BAZ2B: variants seen among roughly 807,000 people sequenced by gnomAD.
BAZ2B encodes the protein bromodomain adjacent to zinc finger domain 2B.
In BAZ2B, 91 loss-of-function variants were observed where a neutral mutation model predicts 246.0. The ratio of observed to expected loss-of-function variants is 0.37; its 90% CI spans 0.31 to 0.44. The LOEUF is 0.44. Ranked by LOEUF, BAZ2B falls within the 20% of genes least tolerant of loss-of-function variation. The pLI is 1.00. For missense variants in BAZ2B, 2,332 were observed against 2,533.7 expected (o/e 0.92, Z 1.71); for synonymous variants, 855 against 860.0 (o/e 0.99, Z 0.10).
At chr2:159,496,114 G>A (rs1350250869) in intron 2 of BAZ2B, among the ~76,000 whole-genome samples, 2 of 148,406 alleles carry the variant, frequency 1.3e-5, no homozygotes, top group African/African-American at 2.5e-5. Context: ...GGTGGCTCAC[G>A]CCTGTAATCC....
chr2:159,532,784 C>T (rs1044771415), intron 2 of BAZ2B, among the ~76,000 whole-genome samples: 2 of 152,122 alleles, frequency 1.3e-5, no homozygotes, highest in African/African-American at 4.8e-5. Flanking sequence ...ATTACACATG[C>T]TACCTGGCCC....
intron 27 of BAZ2B, among the ~76,000 whole-genome samples, chr2:159,360,507 T>C (rs936219451): frequency 2.6e-5 from 4 of 152,136 alleles, no homozygotes; most frequent in Non-Finnish European, 5.9e-5. Flanking sequence ...GAATCAATAT[T>C]GTGAAAATGG....
chr2:159,501,157 TAA>T (rs35919978), intron 2 of BAZ2B, among the ~76,000 whole-genome samples: 2 of 93,458 alleles, frequency 2.1e-5, no homozygotes, highest in African/African-American at 8.7e-5. Flanking sequence ...ATAATATATA[TAA>T]ATATATAATA....
chr2:159,351,122 C>T (rs991079401), intron 27 of BAZ2B, among the ~76,000 whole-genome samples: 4 of 152,050 alleles, frequency 2.6e-5, no homozygotes, highest in Admixed American at 1.3e-4. Context: ...AGCTGTACTA[C>T]ACAGCAAAAA....
At position 159,405,357 on chromosome 2, in the gene BAZ2B, G is replaced by A. The variant is rs539023629; in HGVS notation, c.2678-243C>T. Among the ~76,000 whole-genome samples, 8 of 152,096 alleles carry A rather than the reference G, an allele frequency of 5.3e-5. No homozygotes were observed. In the South Asian group the frequency reaches 6.2e-4, roughly 12 times the overall value. On this transcript the variant is annotated intron_variant, in intron 14 of 36. Coordinates refer to ENST00000392783, the MANE Select transcript of BAZ2B (RefSeq NM_013450.4). ...CTCCCAAGTAGCTGGGATTACAGGC[G>A]TGCGCCACCACACCCAGCTAATTTT... is the stretch of plus-strand genomic sequence containing the variant.
intron 22 of BAZ2B, among the ~76,000 whole-genome samples, chr2:159,385,630 G>A (rs2062558818): frequency 6.6e-6 from 1 of 151,746 alleles, no homozygotes; most frequent in Non-Finnish European, 1.5e-5. Context: ...GGTAGCAGAA[G>A]TTTTAAATTA....
intron 2 of BAZ2B, among the ~76,000 whole-genome samples, chr2:159,547,694 T>C (rs1268173590): frequency 2.0e-5 from 3 of 152,202 alleles, no homozygotes; most frequent in African/African-American, 7.2e-5. Flanking sequence ...CTGATTACAA[T>C]AAGAAAACAT....
chr2:159,574,045 A>C (rs1403069132), intron 1 of BAZ2B, among the ~76,000 whole-genome samples: 1 of 151,996 alleles, frequency 6.6e-6, no homozygotes, highest in Non-Finnish European at 1.5e-5. Context: ...GCCTACAGTG[A>C]GCCATGATGT....
At chr2:159,528,722 G>C (rs1311236057) in intron 2 of BAZ2B, among the ~76,000 whole-genome samples, 1 of 150,526 alleles carries the variant, frequency 6.6e-6, no homozygotes, top group African/African-American at 2.4e-5. Context: ...TTATGAAACA[G>C]CAATCGATTG....
At chr2:159,691,982 T>C in the BAZ2B span, among the ~76,000 whole-genome samples, 1 of 152,196 alleles carries the variant, frequency 6.6e-6, no homozygotes, top group Non-Finnish European at 1.5e-5. Flanking sequence ...TCTGCTTGCT[T>C]ACATTTCTCT....
chr2:159,386,496 C>A lies in BAZ2B; in HGVS notation c.3328G>T (p.Asp1110Tyr). The change falls in exon 22 of 37, where the codon GAT (aspartate) becomes TAT (tyrosine). Residue 1110 changes from aspartate (D) to tyrosine (Y), a missense_variant. Asp to Tyr is a radical substitution (Grantham distance 160). This residue lies in a region of BAZ2B where 328 missense variants were observed against 410.4 expected (regional missense o/e 0.80). Coordinates refer to ENST00000392783, the MANE Select transcript of BAZ2B (RefSeq NM_013450.4). ...LRNFGKVLGF[D>Y]VNIDVPNLSV... ...AGGTTTGGAACATCAATATTCACAT[C>A]AAAGCCCAAAACTTTACCAAAGTTT... is the stretch of plus-strand genomic sequence containing the variant. 6.2e-7 allele frequency: 1 copy of A among 1,613,638 alleles called. No individual in the cohort carries two copies. Among genetic ancestry groups the A allele is most frequent in the Non-Finnish European group, 8.5e-7 (1 of 1,179,770 alleles).
chr2:159,615,330 G>A (rs183698917), intron 1 of BAZ2B: 3 of 152,792 alleles, frequency 2.0e-5, no homozygotes, highest in African/African-American at 7.2e-5. Context: ...GGGAAGCAGA[G>A]GAGTTGGGAG....
the BAZ2B span, among the ~76,000 whole-genome samples, chr2:159,632,983 T>A: frequency 1.3e-5 from 2 of 152,298 alleles, no homozygotes; most frequent in East Asian, 3.9e-4. Flanking sequence ...AAGGGTTGGG[T>A]AAAAATCAAC....
chr2:159,405,104 C>T lies in BAZ2B; in HGVS notation c.2688G>A (p.Arg896=). The T allele has an allele frequency of 6.2e-7, 1 of 1,613,980 alleles. No individual in the cohort carries two copies. The highest frequency in any genetic ancestry group is 1.3e-5 in the African/African-American group (1 of 75,048). The change falls in exon 15 of 37, where the codon AGG becomes AGA. Residue 896 remains arginine, a synonymous_variant. Transcript: ENST00000392783. ...TCAAAAGCTTTATTTGTGCTGCTTG[C>T]CTGGCTATTTCTGAAAAACACAAAA... ...LRKLQAQEIA[R]QAAQIKLLRK...
intron 34 of BAZ2B, among the ~76,000 whole-genome samples, chr2:159,331,624 G>A (rs757656931): frequency 5.9e-5 from 9 of 152,104 alleles, no homozygotes; most frequent in Non-Finnish European, 1.0e-4. Flanking sequence ...TGATCTGCTC[G>A]CCTCGGCCTC....
At chr2:159,666,342 C>T in the BAZ2B span, among the ~76,000 whole-genome samples, 1 of 149,242 alleles carries the variant, frequency 6.7e-6, no homozygotes, top group Non-Finnish European at 1.5e-5. Flanking sequence ...TCACTGCAAT[C>T]TCTGCCTCAC....
At chr2:159,463,137 A>G in intron 3 of BAZ2B, 1 of 651,730 alleles carries the variant, frequency 1.5e-6, no homozygotes, top group East Asian at 2.8e-5. Context: ...TGTCATTATT[A>G]CATAGTAGCC....
the BAZ2B span, among the ~76,000 whole-genome samples, chr2:159,654,263 C>T: frequency 3.9e-5 from 6 of 152,260 alleles, no homozygotes; most frequent in South Asian, 1.2e-3. Context: ...AGCCTCTTTT[C>T]TTTGTTATAT....
chr2:159,543,640 A>T (rs966744239), intron 2 of BAZ2B, among the ~76,000 whole-genome samples: 1 of 143,332 alleles, frequency 7.0e-6, no homozygotes, highest in Non-Finnish European at 1.5e-5. Context: ...GGTTCAAGGG[A>T]TTCTCCTGCC....
Sources: allele counts gnomAD v4.1 joint callset (sites outside exome capture counted in the v4.1 genomes callset), GRCh38; gene constraint gnomAD v4.1.1; regional missense constraint gnomAD v4.1.1; transcripts MANE v1.5; gene names NCBI Gene and HGNC (gene_info 2026-07-23, HGNC 2026-07-21).